The following WWC1 variants were observed in gnomAD, a reference collection of about 807,000 sequenced individuals.
The protein encoded by WWC1 is protein KIBRA.
A neutral mutation model predicts 138.4 loss-of-function variants in WWC1; 55 were observed. That is an observed-to-expected ratio of 0.40 (90% confidence interval 0.32 to 0.50). The LOEUF (loss-of-function observed/expected upper bound fraction) is 0.50, where lower values mean the gene tolerates loss of function less well. Ranked by LOEUF, WWC1 falls within the 20% of genes least tolerant of loss-of-function variation. WWC1 has a pLI of 0.72. For synonymous variants in WWC1, 524 were observed against 564.9 expected, an observed-to-expected ratio of 0.93 and a Z score of 1.03; for missense variants, 1,226 against 1,420.4, an observed-to-expected ratio of 0.86 and a Z score of 2.20.
intron 3 of WWC1, among the ~76,000 whole-genome samples, chr5:168,391,750 AT>A (rs1388689119): frequency 8.0e-6 from 1 of 125,236 alleles, no homozygotes; most frequent in East Asian, 2.3e-4. Flanking sequence ...GATAAAATAT[AT>A]TTTTAAGGCA....
chr5:168,330,776 C>CA (rs1470862903), intron 1 of WWC1, among the ~76,000 whole-genome samples: 4 of 152,256 alleles, frequency 2.6e-5, no homozygotes, highest in Admixed American at 2.6e-4. Context: ...TTGGGGGCTA[C>CA]AGGGCTCTGC....
chr5:168,390,739 G>C (rs1778420303), intron 3 of WWC1, among the ~76,000 whole-genome samples: 1 of 152,362 alleles, frequency 6.6e-6, no homozygotes. Flanking sequence ...GGCTGCTCTG[G>C]GTCCCAGACA....
intron 9 of WWC1, among the ~76,000 whole-genome samples, chr5:168,418,678 G>A (rs1453772375): frequency 6.6e-6 from 1 of 151,990 alleles, no homozygotes; most frequent in Non-Finnish European, 1.5e-5. Context: ...GGCTTCACTG[G>A]GGACCCACAT....
intron 1 of WWC1, among the ~76,000 whole-genome samples, chr5:168,339,917 C>CTCTCTCTT (rs1207748818): frequency 7.4e-6 from 1 of 135,332 alleles, no homozygotes; most frequent in Non-Finnish European, 1.6e-5. Context: ...TTCTCTCTCT[C>CTCTCTCTT]TCTCTCTTTC....
At chr5:168,298,741 A>G (rs200086572) in intron 1 of WWC1, among the ~76,000 whole-genome samples, 2 of 152,174 alleles carry the variant, frequency 1.3e-5, no homozygotes, top group African/African-American at 4.8e-5. Context: ...TATCTTTTCA[A>G]CAGCCATATG....
chr5:168,403,239 A>G (rs897872591), intron 5 of WWC1, among the ~76,000 whole-genome samples: 3 of 152,134 alleles, frequency 2.0e-5, no homozygotes, highest in Middle Eastern at 6.8e-3. Context: ...ATGGGACTAC[A>G]GACACGTGCC....
intron 5 of WWC1, among the ~76,000 whole-genome samples, chr5:168,401,692 T>C (rs1029182173): frequency 6.6e-6 from 1 of 152,242 alleles, no homozygotes; most frequent in African/African-American, 2.4e-5. Context: ...AAATTATGGC[T>C]TTCTGTATGT....
intron 10 of WWC1, among the ~76,000 whole-genome samples, chr5:168,422,732 A>G (rs1219414803): frequency 2.0e-5 from 3 of 152,150 alleles, no homozygotes; most frequent in Non-Finnish European, 2.9e-5. Context: ...ATTCAATAAC[A>G]TTTTGTTCCA....
chr5:168,448,350 T>C (rs1449839058), intron 17 of WWC1, among the ~76,000 whole-genome samples: 7 of 152,250 alleles, frequency 4.6e-5, no homozygotes, highest in Non-Finnish European at 1.0e-4. Context: ...GTACTCCCTC[T>C]TTTTATTTTG....
chr5:168,301,448 C>G (rs1770064826), intron 1 of WWC1, among the ~76,000 whole-genome samples: 2 of 152,084 alleles, frequency 1.3e-5, no homozygotes. Context: ...CCACCCTGGT[C>G]AACATGGTGA....
At chr5:168,367,787 T>C (rs540708355) in intron 1 of WWC1, among the ~76,000 whole-genome samples, 1 of 152,180 alleles carries the variant, frequency 6.6e-6, no homozygotes, top group Non-Finnish European at 1.5e-5. Flanking sequence ...ATACACAGCT[T>C]GCTTTCTAGG....
intron 1 of WWC1, among the ~76,000 whole-genome samples, chr5:168,347,032 G>T (rs973014386): frequency 3.3e-5 from 5 of 152,166 alleles, no homozygotes; most frequent in South Asian, 2.1e-4. Context: ...TGTTTCCCTG[G>T]ATGGTTCCTG....
intron 2 of WWC1, among the ~76,000 whole-genome samples, chr5:168,379,831 C>T (rs72828890): frequency 0.074 from 11,292 of 152,224 alleles, 600 homozygotes; most frequent in Non-Finnish European, 0.12. Context: ...CTACCTTTGC[C>T]TCACACCATG....
chr5:168,387,737 A>C (rs919109761), intron 3 of WWC1, among the ~76,000 whole-genome samples: 1 of 152,104 alleles, frequency 6.6e-6, no homozygotes, highest in Non-Finnish European at 1.5e-5. Flanking sequence ...AAGCCTGACT[A>C]TTTCCCCAAA....
At position 168,396,917 on chromosome 5, in the gene WWC1, A is replaced by G. The variant is rs75693100; in HGVS notation, c.434-807A>G. On this transcript the variant is annotated intron_variant, in intron 3 of 22. Transcript: ENST00000265293. Reference sequence around the variant, plus strand: ...ATGGATAATTTATTTTCCTTTTTGAATGTACATTAATATTATAAAGTACAA... The same window carrying G: ...ATGGATAATTTATTTTCCTTTTTGAGTGTACATTAATATTATAAAGTACAA... Among the ~76,000 whole-genome samples, 1,428 of 152,144 alleles carry G rather than the reference A, an allele frequency of 9.4e-3. 26 individuals are homozygous for G. Among genetic ancestry groups the G allele is most frequent in the African/African-American group, 0.033 (1,353 of 41,438 alleles).
chr5:168,412,103 A>G (rs763586385), intron 8 of WWC1: 116 of 985,312 alleles, frequency 1.2e-4, no homozygotes, highest in Non-Finnish European at 1.2e-4. Flanking sequence ...GATCTGTTCC[A>G]TCCTGCAGGA....
chr5:168,446,551 C>T (rs1755286392), intron 17 of WWC1, among the ~76,000 whole-genome samples: 2 of 152,166 alleles, frequency 1.3e-5, no homozygotes, highest in Admixed American at 1.3e-4. Context: ...TTCACCTAAG[C>T]ATAGAGCTGA....
At chr5:168,432,700 A>G (rs1268531557) in intron 15 of WWC1, among the ~76,000 whole-genome samples, 2 of 151,986 alleles carry the variant, frequency 1.3e-5, no homozygotes, top group Admixed American at 1.3e-4. Context: ...CTGGGGATTC[A>G]ATGGGGAACC....
chr5:168,408,768 C>T (rs1780005362), intron 7 of WWC1, 115 bp downstream of exon 7: 5 of 1,414,216 alleles, frequency 3.5e-6, no homozygotes, highest in Non-Finnish European at 3.9e-6. Context: ...GGGTTCTCTG[C>T]AGGGCTGGCT....
Sources: allele counts gnomAD v4.1 joint callset (sites outside exome capture counted in the v4.1 genomes callset), GRCh38; gene constraint gnomAD v4.1.1; transcripts MANE v1.5; gene names NCBI Gene and HGNC (gene_info 2026-07-23, HGNC 2026-07-21).